Variants in RAD52 observed in about 807,000 individuals in gnomAD.
The protein encoded by RAD52 is DNA repair protein RAD52 homolog.
Under a neutral mutation model 55.5 loss-of-function variants are expected in RAD52, and 47 were observed. That is an observed-to-expected ratio of 0.85 (90% confidence interval 0.67 to 1.08). The LOEUF (loss-of-function observed/expected upper bound fraction) is 1.08. RAD52 is among the 50% of genes least tolerant of loss of function. The pLI is 0.00. For synonymous variants in RAD52, 184 were observed against 198.9 expected, an observed-to-expected ratio of 0.92 and a Z score of 0.63; for missense variants, 468 against 522.8, an observed-to-expected ratio of 0.90 and a Z score of 1.02.
At chr12:964,251 G>T (rs1958726598) in intron 1 of RAD52, among the ~76,000 whole-genome samples, 1 of 152,116 alleles carries the variant, frequency 6.6e-6, no homozygotes, top group African/African-American at 2.4e-5. Flanking sequence ...GAAAAGAAAG[G>T]TGGGGGGAAA....
At chr12:945,268 T>C (rs1958149961) in intron 1 of RAD52, among the ~76,000 whole-genome samples, 2 of 151,698 alleles carry the variant, frequency 1.3e-5, no homozygotes, top group East Asian at 2.0e-4. Context: ...CAAGAATCGC[T>C]TGAATCCAGG....
Position 916,639 on chromosome 12 carries a change from C to T in RAD52, c.725G>A (p.Arg242Gln), listed in dbSNP as rs1260873741. The stretch of plus-strand genomic sequence containing the variant: ...AAAGGAGGGGACTTAGGCCGCATAC[C>T]GGGAGCTGCAGTCCTGGTCCGCCGG... ...VIPADQDCSS[R>Q]SLSSSAVESE... The change falls in exon 8 of 12, where the codon CGA (arginine) becomes CAA (glutamine). Residue 242 changes from arginine (R) to glutamine (Q), a missense_variant and splice_region_variant. Coordinates refer to ENST00000358495, the MANE Select transcript of RAD52 (RefSeq NM_134424.4). The T allele has an allele frequency of 1.9e-6, 3 of 1,612,320 alleles. No homozygotes were observed. The highest frequency in any genetic ancestry group is 1.7e-4 in the Middle Eastern group (1 of 6,030).
intron 1 of RAD52, among the ~76,000 whole-genome samples, chr12:940,360 A>G (rs1957858045): frequency 6.6e-6 from 1 of 152,060 alleles, no homozygotes; most frequent in Admixed American, 6.6e-5. Context: ...GCACTTTGGG[A>G]GGCCAAGGCG....
chr12:970,849 C>T (rs1019527812), intron 1 of RAD52, among the ~76,000 whole-genome samples: 11 of 152,200 alleles, frequency 7.2e-5, no homozygotes, highest in African/African-American at 2.6e-4. Flanking sequence ...CATCAATAAC[C>T]AAAGCCAGGT....
At chr12:975,201 T>C (rs1592491866) in intron 1 of RAD52, 1 of 25,504 alleles carries the variant, frequency 3.9e-5, no homozygotes, top group East Asian at 0.01. Flanking sequence ...AATCATCCAC[T>C]GGGAGGGGGG....
intron 1 of RAD52, among the ~76,000 whole-genome samples, chr12:956,930 T>A (rs1958615264): frequency 6.6e-6 from 1 of 152,234 alleles, no homozygotes; most frequent in Non-Finnish European, 1.5e-5. Context: ...AAGATTATAG[T>A]TATTAGATGA....
At chr12:952,907 G>A (rs192203497), upstream of RAD52, among the ~76,000 whole-genome samples, 99 of 90,400 alleles carry the variant, frequency 1.1e-3, 1 homozygote, top group Non-Finnish European at 5.6e-4. Context: ...GAAAGGGAAC[G>A]GAAGAGAAGG....
intron 9 of RAD52, among the ~76,000 whole-genome samples, chr12:915,233 T>C (rs1956293996): frequency 6.6e-6 from 1 of 152,224 alleles, no homozygotes; most frequent in African/African-American, 2.4e-5. Flanking sequence ...AGGAAAGGCC[T>C]GGAGGGCAGC....
intron 1 of RAD52, among the ~76,000 whole-genome samples, chr12:965,972 CTGT>C (rs1958760955): frequency 1.3e-5 from 2 of 151,954 alleles, no homozygotes; most frequent in African/African-American, 2.4e-5. Flanking sequence ...GCATGAACCA[CTGT>C]GCCTGGCTGT....
intron 1 of RAD52, among the ~76,000 whole-genome samples, chr12:982,028 C>G (rs576543311): frequency 6.6e-6 from 1 of 152,178 alleles, no homozygotes; most frequent in Non-Finnish European, 1.5e-5. Context: ...GACATCTTAG[C>G]TCCCCAGACC....
chr12:930,232 A>G (rs1957256339), intron 3 of RAD52, 88 bp from the exon 4 acceptor site: 1 of 1,104,972 alleles, frequency 9.1e-7, no homozygotes, highest in South Asian at 1.5e-5. Flanking sequence ...TTTATTCCTC[A>G]TCTACTTTTT....
At chr12:986,600 A>T (rs1959088662) in intron 1 of RAD52, among the ~76,000 whole-genome samples, 2 of 152,006 alleles carry the variant, frequency 1.3e-5, no homozygotes, top group African/African-American at 4.8e-5. Flanking sequence ...CCTGTCCTCA[A>T]GCGATCTTCT....
chr12:949,228 C>T (rs768186323), intron 1 of RAD52, among the ~76,000 whole-genome samples: 1 of 152,094 alleles, frequency 6.6e-6, no homozygotes, highest in Non-Finnish European at 1.5e-5. Context: ...TCCCAGCGTC[C>T]CCCGCTCCCT....
chr12:983,452 T>C (rs1959046867), intron 1 of RAD52, among the ~76,000 whole-genome samples: 1 of 146,652 alleles, frequency 6.8e-6, no homozygotes, highest in Non-Finnish European at 1.5e-5. Flanking sequence ...GAGCATCCCT[T>C]GTTGCCCAGA....
At position 948,334 on chromosome 12, in the gene RAD52, C is replaced by A. The variant is rs11571391; in HGVS notation, c.-19+1268G>T. On this transcript the variant is annotated intron_variant, in intron 1 of 11. Transcript: ENST00000358495. ...TTCTTTTAGGGATGATAAAAATGTT[C>A]TGGAATTAGATAATAGTGGTGATTG... 6.4e-3 allele frequency among the ~76,000 whole-genome samples: 981 copies of A among 152,206 alleles called. 12 individuals carry two copies. Among genetic ancestry groups the A allele is most frequent in the African/African-American group, 0.023 (942 of 41,500 alleles).
intron 1 of RAD52, among the ~76,000 whole-genome samples, chr12:934,887 C>T (rs192797054): frequency 7.6e-4 from 115 of 152,114 alleles, no homozygotes; most frequent in Middle Eastern, 3.4e-3. Flanking sequence ...CCAAAGCAGG[C>T]GGATCACCTG....
At chr12:987,561 CT>C (rs201062804) in intron 1 of RAD52, among the ~76,000 whole-genome samples, 1,770 of 139,928 alleles carry the variant, frequency 0.013, 98 homozygotes, top group Admixed American at 0.1. Context: ...TTATTGTTTT[CT>C]TTTTTTTTTT....
At chr12:939,052 T>TTGTGTGTGTGTGTGTGTGTG (rs1555176185) in intron 1 of RAD52, among the ~76,000 whole-genome samples, 1 of 141,050 alleles carries the variant, frequency 7.1e-6, no homozygotes, top group Admixed American at 7.3e-5. Flanking sequence ...ATTCAACTAA[T>TTGTGTGTGTGTGTGTGTGTG]TGTGTGTGTG....
intron 1 of RAD52, among the ~76,000 whole-genome samples, chr12:940,176 A>T (rs1273681923): frequency 6.6e-6 from 1 of 152,158 alleles, no homozygotes; most frequent in Non-Finnish European, 1.5e-5. Context: ...AACACCAACA[A>T]AGAATTCCGT....
Sources: gnomAD v4.1 joint callset for allele counts (sites outside exome capture counted in the v4.1 genomes callset) on GRCh38, gnomAD v4.1.1 for gene constraint, MANE v1.5 for transcripts, NCBI Gene and HGNC (gene_info 2026-07-23, HGNC 2026-07-21) for gene names.